NUAK1: variants seen among roughly 807,000 people sequenced by gnomAD.
NUAK1 encodes the protein NUAK family kinase 1.
A neutral mutation model predicts 56.9 loss-of-function variants in NUAK1; 26 were observed. The observed-to-expected ratio is 0.46, with a 90% CI of 0.33 to 0.63. The LOEUF (loss-of-function observed/expected upper bound fraction) is 0.63, where lower values mean the gene tolerates loss of function less well. Among genes scored for constraint, NUAK1 ranks in the 30% least tolerant of loss-of-function variants. The pLI, the probability that NUAK1 is intolerant of heterozygous loss-of-function variation, is 0.02. For synonymous variants in NUAK1, 337 were observed against 336.0 expected (o/e 1.00, Z -0.03); for missense variants, 727 against 876.1 (o/e 0.83, Z 2.15).
rs750367833 is a variant in NUAK1, at chr12:106,067,207, G to C, written c.1581C>G (p.His527Gln). Residue 527 changes from histidine to glutamine, a missense_variant, in exon 7 of 7, where the codon CAC becomes CAG. Physicochemically the swap from His to Gln is conservative, Grantham distance 24. Coordinates refer to ENST00000261402, the MANE Select transcript of NUAK1 (RefSeq NM_014840.3). The surrounding 1 kb of genome is among the most constrained non-coding windows in gnomAD (Gnocchi z 6.0). Reference protein sequence around the residue: ...LSCRRKGILKHSSKYSAGTMD... With the variant: ...LSCRRKGILKQSSKYSAGTMD... ...TGGTGCCCGCTGAGTATTTGCTGCTGTGTTTCAAGATGCCCTTCCTCCGGC... is the reference window on the plus strand; with the variant it reads ...TGGTGCCCGCTGAGTATTTGCTGCTCTGTTTCAAGATGCCCTTCCTCCGGC... The C allele has an allele frequency of 1.2e-6, 2 of 1,614,158 alleles. No individual in the cohort carries two copies. Among genetic ancestry groups the C allele is most frequent in the South Asian group, 2.2e-5 (2 of 91,080 alleles).
chr12:106,113,888 T>C (rs1467954284), intron 1 of NUAK1, among the ~76,000 whole-genome samples: 6 of 151,846 alleles, frequency 4.0e-5, no homozygotes, highest in Non-Finnish European at 1.5e-5. Context: ...TACTTCACAG[T>C]CTACACATAA....
At position 106,138,620 on chromosome 12, in the gene NUAK1, G is replaced by A; in HGVS notation, c.34C>T (p.Arg12Cys). The change falls in exon 1 of 7, where the codon CGC becomes TGC. Residue 12 changes from arginine to cysteine, a missense_variant. By Grantham distance (180) the Arg-to-Cys change is radical (BLOSUM62 -3). Transcript: ENST00000261402. The surrounding 1 kb of genome is among the most constrained non-coding windows in gnomAD (Gnocchi z 5.0). ...GGCGCCCCCAGCCCCAAGTCGGGGC[G>A]GTCCCCCGCCACAGGCGCGGCGGCC... ...EGAAAPVAGDRPDLGLGAPGS... is the reference protein window; with the variant it reads ...EGAAAPVAGDCPDLGLGAPGS... 1 of 1,516,352 alleles carries A rather than the reference G, an allele frequency of 6.6e-7. No homozygotes were observed. Among genetic ancestry groups the A allele is most frequent in the Non-Finnish European group, 8.8e-7 (1 of 1,138,160 alleles). The allele number at this position is 1,516,352 out of a possible 1,614,324, so 93.9% of individuals were successfully genotyped here.
At chr12:106,093,776 G>C (rs558737285) in intron 2 of NUAK1, among the ~76,000 whole-genome samples, 2 of 152,268 alleles carry the variant, frequency 1.3e-5, no homozygotes, top group South Asian at 2.1e-4. Context: ...CCTCCAGGGA[G>C]GAAGAGTCTT....
intron 4 of NUAK1, among the ~76,000 whole-genome samples, chr12:106,083,206 G>A (rs2032536791): frequency 6.6e-6 from 1 of 152,174 alleles, no homozygotes; most frequent in African/African-American, 2.4e-5. Context: ...TCTATGGCTG[G>A]TTTCAGGGGT....
intron 2 of NUAK1, among the ~76,000 whole-genome samples, chr12:106,089,015 C>T (rs1260509077): frequency 6.6e-6 from 1 of 152,214 alleles, no homozygotes; most frequent in Non-Finnish European, 1.5e-5. Flanking sequence ...CTGCTGGCCT[C>T]GGTGTACCCT....
intron 1 of NUAK1, among the ~76,000 whole-genome samples, chr12:106,132,998 A>T (rs190359648): frequency 1.8e-4 from 27 of 152,326 alleles, no homozygotes; most frequent in African/African-American, 4.8e-4. Flanking sequence ...CATCTAGAAA[A>T]TGGGATGATA....
chr12:106,073,501 G>A (rs142223665), intron 4 of NUAK1, among the ~76,000 whole-genome samples: 1 of 152,128 alleles, frequency 6.6e-6, no homozygotes, highest in African/African-American at 2.4e-5. Context: ...CCAGAAAATG[G>A]GAATCCATGA....
At chr12:106,068,933 AT>A (rs2032374155) in intron 6 of NUAK1, among the ~76,000 whole-genome samples, 1 of 152,222 alleles carries the variant, frequency 6.6e-6, no homozygotes, top group Non-Finnish European at 1.5e-5. Context: ...CAGTCATTCA[AT>A]AAGTATTTCT....
chr12:106,112,258 G>A (rs887322871), intron 1 of NUAK1, among the ~76,000 whole-genome samples: 1 of 152,068 alleles, frequency 6.6e-6, no homozygotes, highest in South Asian at 2.1e-4. Flanking sequence ...ACCCAGGCAC[G>A]TTCCACGGGA....
intron 1 of NUAK1, among the ~76,000 whole-genome samples, chr12:106,130,153 T>C (rs2033062767): frequency 6.6e-6 from 1 of 152,290 alleles, no homozygotes. Context: ...GGCTAATTTT[T>C]GTACTTTTAG....
At chr12:106,123,681 G>C (rs142639535) in intron 1 of NUAK1, among the ~76,000 whole-genome samples, 95 of 152,226 alleles carry the variant, frequency 6.2e-4, no homozygotes, top group African/African-American at 2.3e-3. Flanking sequence ...ATTGTGCTTG[G>C]GCTGGAATTT....
At chr12:106,109,438 C>T (rs959268645) in intron 1 of NUAK1, among the ~76,000 whole-genome samples, 6 of 151,902 alleles carry the variant, frequency 3.9e-5, no homozygotes, top group Non-Finnish European at 7.4e-5. Flanking sequence ...ATACCCTTCC[C>T]ATTTTATCTT....
Position 106,066,835 on chromosome 12 carries a change from C to T in NUAK1, c.1953G>A (p.Lys651=). ...TDMDDVTQVY[K]QALEICSKLN ...GCTTGCTGCAGATCTCCAGCGCTTG[C>T]TTGTAGACCTGAGTCACATCATCCA... The change falls in exon 7 of 7, where the codon AAG becomes AAA. Residue 651 remains lysine (K), a synonymous_variant. Transcript: ENST00000261402. 1 of 1,613,836 alleles carries T rather than the reference C, an allele frequency of 6.2e-7. No homozygotes were observed. The highest frequency in any genetic ancestry group is 8.5e-7 in the Non-Finnish European group (1 of 1,179,828).
At position 106,067,412 on chromosome 12, in the gene NUAK1, G is replaced by A. The variant is rs1038316952; in HGVS notation, c.1376C>T (p.Ser459Leu). 6.2e-6 allele frequency: 10 copies of A among 1,614,022 alleles called. No individual in the cohort carries two copies. The highest frequency in any genetic ancestry group is 1.7e-5 in the Admixed American group (1 of 60,008). ...GATGCCTTTCTTGGGCATCGTGGCC[G>A]ACTGCTTGGGGCTGAGTTTTCCCGG... ...EVPGKLSPKQ[S>L]ATMPKKGILK... Residue 459 changes from serine to leucine, a missense_variant, in exon 7 of 7, where the codon TCG (serine) becomes TTG (leucine). By Grantham distance (145) the Ser-to-Leu change is moderately radical. Transcript: ENST00000261402. The surrounding 1 kb of genome is among the most constrained non-coding windows in gnomAD (Gnocchi z 6.0).
chr12:106,070,773 C>G lies in NUAK1; in HGVS notation c.832+1G>C, dbSNP rs1297381719. 1 of 1,614,172 alleles carries G rather than the reference C, an allele frequency of 6.2e-7. No individual in the cohort carries two copies. The highest frequency in any genetic ancestry group is 8.5e-7 in the Non-Finnish European group (1 of 1,180,030). ...TGACCCTCCCTCCACAGGGCACGCACCTGAGGGCTGTGTTGGCTCCCGGTA... is the reference window on the plus strand; with the variant it reads ...TGACCCTCCCTCCACAGGGCACGCAGCTGAGGGCTGTGTTGGCTCCCGGTA... On this transcript the variant is annotated splice_donor_variant, in intron 6 of 6. Transcript: ENST00000261402. LOFTEE classifies it high-confidence loss of function.
intron 4 of NUAK1, among the ~76,000 whole-genome samples, chr12:106,075,913 T>C (rs1249750539): frequency 1.3e-5 from 2 of 152,250 alleles, no homozygotes; most frequent in Non-Finnish European, 2.9e-5. Flanking sequence ...TTCAGAATGC[T>C]ATTTGGTTTC....
chr12:106,069,012 T>C (rs2032375743), intron 6 of NUAK1, among the ~76,000 whole-genome samples: 1 of 152,338 alleles, frequency 6.6e-6, no homozygotes, highest in East Asian at 1.9e-4. Context: ...AAGACCACTT[T>C]AGAGGTCACT....
intron 1 of NUAK1, among the ~76,000 whole-genome samples, chr12:106,134,608 G>A (rs1047238736): frequency 2.0e-5 from 3 of 152,220 alleles, no homozygotes; most frequent in African/African-American, 7.2e-5. Flanking sequence ...AGTTGAACTT[G>A]GCCCCTTGAC....
chr12:106,123,966 T>C (rs1288310894), intron 1 of NUAK1, among the ~76,000 whole-genome samples: 1 of 152,166 alleles, frequency 6.6e-6, no homozygotes, highest in Non-Finnish European at 1.5e-5. Context: ...AATCCAAACA[T>C]TTCATAAAAT....
Sources: allele counts gnomAD v4.1 joint callset (sites outside exome capture counted in the v4.1 genomes callset), GRCh38; gene constraint gnomAD v4.1.1; non-coding constraint Gnocchi (gnomAD v3.1); transcripts MANE v1.5; gene names NCBI Gene and HGNC (gene_info 2026-07-23, HGNC 2026-07-21).